The following MICU2 variants were observed in gnomAD, a reference collection of about 807,000 sequenced individuals.
MICU2 encodes mitochondrial calcium uptake 2, also known as calcium uptake protein 2, mitochondrial.
Under a neutral mutation model 60.4 loss-of-function variants are expected in MICU2, and 64 were observed. The ratio of observed to expected loss-of-function variants is 1.06; its 90% CI spans 0.87 to 1.31. The LOEUF (loss-of-function observed/expected upper bound fraction) is 1.31. Ranked by LOEUF, MICU2 falls within the 50% of genes most tolerant of loss-of-function variation. The pLI is 0.00. For missense variants in MICU2, 569 were observed against 531.0 expected (o/e 1.07, Z -0.70); for synonymous variants, 201 against 175.0 (o/e 1.15, Z -1.17).
intron 6 of MICU2, among the ~76,000 whole-genome samples, chr13:21,516,404 T>C (rs770469932): frequency 1.1e-4 from 16 of 152,244 alleles, no homozygotes; most frequent in Non-Finnish European, 2.4e-4. Context: ...CAGTAGTCTG[T>C]TGCCATTTAT....
chr13:21,512,604 G>A (rs1886459880), intron 7 of MICU2, among the ~76,000 whole-genome samples: 1 of 151,860 alleles, frequency 6.6e-6, no homozygotes, highest in East Asian at 1.9e-4. Flanking sequence ...CCCGCCACCA[G>A]GCCCAGCTAA....
chr13:21,555,038 A>G (rs1329221043), intron 2 of MICU2, among the ~76,000 whole-genome samples: 3 of 152,218 alleles, frequency 2.0e-5, no homozygotes, highest in Non-Finnish European at 2.9e-5. Context: ...ATATCTTACC[A>G]ACCAAAAAAA....
intron 2 of MICU2, among the ~76,000 whole-genome samples, chr13:21,563,246 G>A (rs1387265305): frequency 6.6e-6 from 1 of 152,070 alleles, no homozygotes; most frequent in Non-Finnish European, 1.5e-5. Flanking sequence ...ATGAGGTCAC[G>A]AGATCGAGAC....
chr13:21,603,759 T>G lies in MICU2; in HGVS notation c.210+180A>C, dbSNP rs1249935765. 7 of 667,900 alleles carry G rather than the reference T, an allele frequency of 1.0e-5. No homozygotes were observed. In the East Asian group the frequency reaches 1.9e-4, roughly 18 times the overall value. 41.4% of individuals were successfully genotyped at this position (667,900 alleles called of 1,614,324 possible). The stretch of plus-strand genomic sequence containing the variant: ...ACCAGCCTCGAAGGCCCTCGGGGAC[T>G]CAGGCCGGGGGCCGGTCCAGGAAGG... On this transcript the variant is annotated intron_variant, in intron 1 of 11. Transcript: ENST00000382374.
intron 1 of MICU2, among the ~76,000 whole-genome samples, chr13:21,576,836 T>C (rs1342484871): frequency 6.6e-6 from 1 of 152,342 alleles, no homozygotes; most frequent in East Asian, 1.9e-4. Context: ...GCTTAAATAC[T>C]GGAATTATTT....
intron 1 of MICU2, among the ~76,000 whole-genome samples, chr13:21,597,826 G>A (rs1280282362): frequency 1.3e-5 from 2 of 150,940 alleles, no homozygotes; most frequent in African/African-American, 2.4e-5. Context: ...AGCTACTTGG[G>A]AGGCTGAGGC....
Position 21,564,562 on chromosome 13 carries a change from T to C in MICU2, c.358+2235A>G, listed in dbSNP as rs75159267. ...GTCGGACTGTGTGACTGTGAAGGGATGTACCCTTCAAAAGCGGTTCTCAGT... is the reference window on the plus strand; with the variant it reads ...GTCGGACTGTGTGACTGTGAAGGGACGTACCCTTCAAAAGCGGTTCTCAGT... On this transcript the variant is annotated intron_variant, in intron 2 of 11. Transcript: ENST00000382374. 1.1e-3 allele frequency among the ~76,000 whole-genome samples: 167 copies of C among 152,262 alleles called. 1 individual carries two copies. Among genetic ancestry groups the C allele is most frequent in the South Asian group, 1.9e-3 (9 of 4,822 alleles).
intron 1 of MICU2, among the ~76,000 whole-genome samples, chr13:21,595,150 A>T (rs1328843131): frequency 6.6e-6 from 1 of 152,186 alleles, no homozygotes; most frequent in East Asian, 1.9e-4. Flanking sequence ...TGCTTCTTGA[A>T]ACCTGGGTGA....
At chr13:21,564,636 A>C (rs9506709) in intron 2 of MICU2, among the ~76,000 whole-genome samples, 148,441 of 152,202 alleles carry the variant, frequency 0.98, 72,481 homozygotes, top group Middle Eastern at 1. Context: ...CCAGAGGGGG[A>C]TAGATTTGGG....
chr13:21,585,255 G>C (rs767566073), intron 1 of MICU2, among the ~76,000 whole-genome samples: 7 of 152,102 alleles, frequency 4.6e-5, no homozygotes, highest in Non-Finnish European at 7.4e-5. Flanking sequence ...TCATAGCTTT[G>C]TCATCACCTG....
intron 1 of MICU2, among the ~76,000 whole-genome samples, chr13:21,575,183 A>T (rs1593352347): frequency 6.6e-6 from 1 of 152,248 alleles, no homozygotes; most frequent in Non-Finnish European, 1.5e-5. Flanking sequence ...ACATACACAC[A>T]TAATTTTTTT....
At chr13:21,588,066 A>C (rs1194724288) in intron 1 of MICU2, among the ~76,000 whole-genome samples, 1 of 152,150 alleles carries the variant, frequency 6.6e-6, no homozygotes. Flanking sequence ...TTGCCCCCCG[A>C]TGTAGAGCTT....
chr13:21,534,334 T>TA (rs1354366983), intron 4 of MICU2, among the ~76,000 whole-genome samples: 2 of 151,850 alleles, frequency 1.3e-5, no homozygotes, highest in Admixed American at 6.6e-5. Context: ...GCCTCCCAAA[T>TA]AGAGGGTATT....
chr13:21,504,224 A>G (rs144937798), intron 8 of MICU2, among the ~76,000 whole-genome samples: 1 of 152,108 alleles, frequency 6.6e-6, no homozygotes, highest in African/African-American at 2.4e-5. Flanking sequence ...TTTGCCTTTT[A>G]TTTTGTTGAG....
intron 2 of MICU2, among the ~76,000 whole-genome samples, chr13:21,563,144 TC>T: frequency 6.6e-6 from 1 of 152,280 alleles, no homozygotes; most frequent in African/African-American, 2.4e-5. Context: ...AAGATTTTTT[TC>T]TCTTTCTTCT....
In MICU2 at chr13:21,503,111, T is replaced by C. The variant is rs532741389; in HGVS notation, c.762-14A>G. 1.7e-5 allele frequency: 26 copies of C among 1,569,920 alleles called. No individual in the cohort carries two copies. Among genetic ancestry groups the C allele is most frequent in the Admixed American group, 1.1e-4 (6 of 53,666 alleles). On this transcript the variant is annotated splice_polypyrimidine_tract_variant and intron_variant, in intron 8 of 11. Transcript: ENST00000382374. ...TTTTCCATAAATCTGAATGTTAAAA[T>C]ACAAAATTAGTAAGGTAACTAGTGG...
chr13:21,569,308 T>C (rs1008888093), intron 1 of MICU2, among the ~76,000 whole-genome samples: 7 of 152,116 alleles, frequency 4.6e-5, no homozygotes, highest in Non-Finnish European at 7.4e-5. Context: ...ATAGTCTAAA[T>C]AAACCTATTC....
At chr13:21,572,807 GAT>G (rs1888141904) in intron 1 of MICU2, among the ~76,000 whole-genome samples, 1 of 152,030 alleles carries the variant, frequency 6.6e-6, no homozygotes, top group African/African-American at 2.4e-5. Flanking sequence ...TGGACCAATC[GAT>G]GTTATTACAA....
chr13:21,597,393 A>G (rs1888717402), intron 1 of MICU2, among the ~76,000 whole-genome samples: 1 of 152,218 alleles, frequency 6.6e-6, no homozygotes, highest in Non-Finnish European at 1.5e-5. Context: ...GACAGTTAGT[A>G]ACTTAGCTGA....
Sources: allele counts gnomAD v4.1 joint callset (sites outside exome capture counted in the v4.1 genomes callset), GRCh38; gene constraint gnomAD v4.1.1; transcripts MANE v1.5; gene names NCBI Gene and HGNC (gene_info 2026-07-23, HGNC 2026-07-21).